FBXO36: variants seen among roughly 807,000 people sequenced by gnomAD.
The protein encoded by FBXO36 is F-box protein 36.
A neutral mutation model predicts 17.0 loss-of-function variants in FBXO36; 18 were observed. The observed-to-expected ratio is 1.06, with a 90% CI of 0.73 to 1.57. FBXO36 has a LOEUF of 1.57. FBXO36 is among the 40% of genes most tolerant of loss of function. The probability of loss-of-function intolerance (pLI) is 0.00; values close to 1 mark genes in which losing one functional copy is unlikely to be tolerated. For missense variants in FBXO36, 229 were observed against 221.9 expected, an observed-to-expected ratio of 1.03 and a Z score of -0.20; for synonymous variants, 83 against 85.3, an observed-to-expected ratio of 0.97 and a Z score of 0.15.
intron 2 of FBXO36, among the ~76,000 whole-genome samples, chr2:229,990,225 A>G (rs1213571243): frequency 6.7e-6 from 1 of 148,698 alleles, no homozygotes; most frequent in Non-Finnish European, 1.5e-5. Flanking sequence ...ATTATATAAT[A>G]TATATGATAT....
intron 1 of FBXO36, among the ~76,000 whole-genome samples, chr2:229,974,023 CT>C (rs1407922352): frequency 6.6e-6 from 1 of 152,136 alleles, no homozygotes; most frequent in Non-Finnish European, 1.5e-5. Context: ...GCACTCCAGC[CT>C]GGGTGACAGA....
intron 1 of FBXO36, among the ~76,000 whole-genome samples, chr2:229,957,831 C>G (rs2077096917): frequency 6.6e-6 from 1 of 152,302 alleles, no homozygotes; most frequent in South Asian, 2.1e-4. Flanking sequence ...AGATTAGACA[C>G]TAACAGAGTT....
chr2:230,009,750 C>T (rs2077405462), intron 3 of FBXO36, among the ~76,000 whole-genome samples: 1 of 151,156 alleles, frequency 6.6e-6, no homozygotes, highest in Non-Finnish European at 1.5e-5. Flanking sequence ...CGAGACCAGC[C>T]TGATCAACGT....
At position 229,996,750 on chromosome 2, in the gene FBXO36, G is replaced by A. The variant is rs774625090; in HGVS notation, c.206-1G>A. On this transcript the variant is annotated splice_acceptor_variant, in intron 2 of 3. Coordinates refer to ENST00000283946, the MANE Select transcript of FBXO36 (RefSeq NM_174899.5). LOFTEE classifies it high-confidence loss of function. ...ACCATGTTGGCTTCTTTGAATTACA[G>A]GTCAAACTGCCTTAATATTTGGTGC... The A allele has an allele frequency of 2.5e-5, 40 of 1,604,606 alleles. No individual in the cohort carries two copies. The South Asian group carries it at 4.0e-4, about 16-fold the overall frequency.
chr2:229,961,271 C>T (rs1260647438), intron 1 of FBXO36, among the ~76,000 whole-genome samples: 2 of 152,126 alleles, frequency 1.3e-5, no homozygotes, highest in Non-Finnish European at 2.9e-5. Flanking sequence ...TTATTATATA[C>T]AAATACCATG....
chr2:229,992,776 G>A (rs964330469), intron 2 of FBXO36, among the ~76,000 whole-genome samples: 1 of 152,170 alleles, frequency 6.6e-6, no homozygotes, highest in African/African-American at 2.4e-5. Context: ...TAACTGAGTG[G>A]TTCTGATTAG....
intron 3 of FBXO36, among the ~76,000 whole-genome samples, chr2:230,000,191 C>G (rs1332628286): frequency 6.6e-6 from 1 of 151,654 alleles, no homozygotes; most frequent in African/African-American, 2.4e-5. Flanking sequence ...AACCACATCT[C>G]AACTAAAAAT....
At chr2:229,952,965 A>G (rs960099901) in intron 1 of FBXO36, among the ~76,000 whole-genome samples, 1 of 151,872 alleles carries the variant, frequency 6.6e-6, no homozygotes, top group African/African-American at 2.4e-5. Flanking sequence ...TTTAGGAAAC[A>G]TTTTCTCGGG....
intron 3 of FBXO36, among the ~76,000 whole-genome samples, chr2:230,000,851 CTTTTTTTTT>C (rs71049612): frequency 7.8e-5 from 7 of 89,480 alleles, no homozygotes; most frequent in East Asian, 2.8e-4. Context: ...AACCACTTTT[CTTTTTTTTT>C]TTTTTTTTTT....
intron 2 of FBXO36, among the ~76,000 whole-genome samples, chr2:229,993,767 A>G (rs567720564): frequency 6.6e-6 from 1 of 151,826 alleles, no homozygotes; most frequent in South Asian, 2.1e-4. Context: ...CACTTTATTT[A>G]TTTATTTATT....
chr2:229,988,851 T>A (rs551240399), intron 2 of FBXO36, among the ~76,000 whole-genome samples: 3 of 150,840 alleles, frequency 2.0e-5, no homozygotes, highest in Non-Finnish European at 4.4e-5. Flanking sequence ...TTTGTTTTTT[T>A]TTTTTTACCG....
At chr2:229,994,710 G>A (rs1019118272) in intron 2 of FBXO36, among the ~76,000 whole-genome samples, 2 of 152,196 alleles carry the variant, frequency 1.3e-5, no homozygotes, top group Admixed American at 6.5e-5. Context: ...ACTCCATAGT[G>A]GAGCTTTCAG....
chr2:229,960,286 T>C (rs899222150), intron 1 of FBXO36, among the ~76,000 whole-genome samples: 1 of 152,012 alleles, frequency 6.6e-6, no homozygotes, highest in Non-Finnish European at 1.5e-5. Flanking sequence ...CAAGTGATCC[T>C]TCTACCTCGG....
chr2:229,943,993 T>TC, intron 1 of FBXO36, among the ~76,000 whole-genome samples: 1 of 152,158 alleles, frequency 6.6e-6, no homozygotes, highest in East Asian at 1.9e-4. Flanking sequence ...GTGCAGCACC[T>TC]CCCCCTTCTC....
At position 229,997,936 on chromosome 2, in the gene FBXO36, C is replaced by T. The variant is rs371375080; in HGVS notation, c.378+1013C>T. On this transcript the variant is annotated intron_variant, in intron 3 of 3. Coordinates refer to ENST00000283946, the MANE Select transcript of FBXO36 (RefSeq NM_174899.5). The stretch of plus-strand genomic sequence containing the variant: ...CAACTCCAGAACCCCCAATGCTACC[C>T]CACAATCACACACATACTACTTTTC... Among the ~76,000 whole-genome samples the T allele has an allele frequency of 8.5e-5, 13 of 152,286 alleles. No individual in the cohort carries two copies. The East Asian group carries it at 1.5e-3, about 18-fold the overall frequency.
At chr2:229,928,130 C>A (rs1361853278) in intron 1 of FBXO36, among the ~76,000 whole-genome samples, 1 of 152,130 alleles carries the variant, frequency 6.6e-6, no homozygotes, top group Non-Finnish European at 1.5e-5. Flanking sequence ...TGACCAAAGT[C>A]AATAATTGTA....
At chr2:229,968,881 C>G (rs1012007631) in intron 1 of FBXO36, among the ~76,000 whole-genome samples, 7 of 151,918 alleles carry the variant, frequency 4.6e-5, no homozygotes, top group African/African-American at 9.7e-5. Flanking sequence ...TCAAGTGATT[C>G]TTATGCCTCA....
At chr2:229,979,458 GGTTTT>G (rs1411608045) in intron 2 of FBXO36, among the ~76,000 whole-genome samples, 3 of 151,712 alleles carry the variant, frequency 2.0e-5, no homozygotes, top group African/African-American at 4.8e-5. Context: ...AGAGAGGGAA[GGTTTT>G]GTTTTGTTTT....
At chr2:229,958,415 C>T (rs1484739005) in intron 1 of FBXO36, among the ~76,000 whole-genome samples, 1 of 151,804 alleles carries the variant, frequency 6.6e-6, no homozygotes, top group Non-Finnish European at 1.5e-5. Context: ...GGACTACAGG[C>T]GCCCGCCACG....
Sources: allele counts gnomAD v4.1 joint callset (sites outside exome capture counted in the v4.1 genomes callset), GRCh38; gene constraint gnomAD v4.1.1; transcripts MANE v1.5; gene names NCBI Gene and HGNC (gene_info 2026-07-23, HGNC 2026-07-21).